Variants in STK32B observed in about 807,000 individuals in gnomAD.
The protein encoded by STK32B is serine/threonine-protein kinase 32B.
STK32B carries 43 observed loss-of-function variants against 52.6 expected under a neutral mutation model. That is an observed-to-expected ratio of 0.82 (90% CI 0.64 to 1.05). STK32B has a LOEUF of 1.05. Among genes scored for constraint, STK32B ranks in the 50% least tolerant of loss-of-function variants. The pLI is 0.00. For synonymous variants in STK32B, 238 were observed against 204.3 expected (o/e 1.17, Z -1.41); for missense variants, 621 against 534.6 (o/e 1.16, Z -1.59).
intron 3 of STK32B, among the ~76,000 whole-genome samples, chr4:5,261,508 C>T (rs2108845145): frequency 6.6e-6 from 1 of 152,258 alleles, no homozygotes; most frequent in Non-Finnish European, 1.5e-5. Context: ...TGTCACACAT[C>T]AGACTCTTTA....
At chr4:5,311,902 T>C (rs867356161) in intron 3 of STK32B, among the ~76,000 whole-genome samples, 3 of 137,596 alleles carry the variant, frequency 2.2e-5, no homozygotes, top group Non-Finnish European at 4.5e-5. Flanking sequence ...GTGCATACTT[T>C]TATATATATA....
chr4:5,423,676 C>T (rs1324149771), intron 6 of STK32B, among the ~76,000 whole-genome samples: 1 of 152,170 alleles, frequency 6.6e-6, no homozygotes, highest in Non-Finnish European at 1.5e-5. Context: ...ACTGCAGGGG[C>T]TGGGTTGGCC....
intron 1 of STK32B, among the ~76,000 whole-genome samples, chr4:5,125,930 G>A (rs7677852): frequency 0.018 from 2,750 of 152,146 alleles, 47 homozygotes; most frequent in African/African-American, 0.04. Context: ...CAGATCTACC[G>A]GAGGCCCTTG....
rs7662444 is a variant in STK32B, at chr4:5,484,949, T to A, written c.1107-13996T>A. ...TCTTTTGGCTTGTAGAGTTTCTGCC[T>A]AGCGATCAGCTGTTAGTCTGATGGG... On this transcript the variant is annotated intron_variant, in intron 11 of 11. Coordinates refer to ENST00000282908, the MANE Select transcript of STK32B (RefSeq NM_018401.3). Among the ~76,000 whole-genome samples the A allele has an allele frequency of 3.3e-3, 496 of 152,304 alleles. 6 individuals are homozygous for A. The highest frequency in any genetic ancestry group is 0.011 in the African/African-American group (468 of 41,550).
intron 3 of STK32B, among the ~76,000 whole-genome samples, chr4:5,269,719 T>C (rs1727295555): frequency 6.6e-6 from 1 of 152,142 alleles, no homozygotes; most frequent in South Asian, 2.1e-4. Flanking sequence ...GCATATTACA[T>C]ATTATAGAAA....
At chr4:5,209,278 G>A (rs1040210573) in intron 3 of STK32B, among the ~76,000 whole-genome samples, 3 of 152,178 alleles carry the variant, frequency 2.0e-5, no homozygotes, top group Non-Finnish European at 4.4e-5. Flanking sequence ...CTGGAGTGCA[G>A]TGTCACAATC....
intron 5 of STK32B, among the ~76,000 whole-genome samples, chr4:5,407,404 C>G (rs184021486): frequency 6.6e-6 from 1 of 152,240 alleles, no homozygotes; most frequent in East Asian, 1.9e-4. Context: ...GTTCCAAAGT[C>G]GCTTACATAT....
intron 11 of STK32B, among the ~76,000 whole-genome samples, chr4:5,494,773 G>A (rs1720070157): frequency 6.6e-6 from 1 of 152,142 alleles, no homozygotes; most frequent in Non-Finnish European, 1.5e-5. Flanking sequence ...CAGGCCTGAT[G>A]GTGACAAAAT....
At chr4:5,190,537 ATGTAC>A (rs1721102906) in intron 3 of STK32B, among the ~76,000 whole-genome samples, 1 of 152,152 alleles carries the variant, frequency 6.6e-6, no homozygotes, top group Non-Finnish European at 1.5e-5. Flanking sequence ...AGCACCTACT[ATGTAC>A]TGGGCACTGT....
rs558139070 is a variant in STK32B at position 5,492,758 on chromosome 4, C to A, written c.1107-6187C>A. On this transcript the variant is annotated intron_variant, in intron 11 of 11. Coordinates refer to ENST00000282908, the MANE Select transcript of STK32B (RefSeq NM_018401.3). ...ATTTTGAGATACGTCCCATCAATAC[C>A]AAATTTCTTGAGAGTTTTTAGCATG... Among the ~76,000 whole-genome samples, 763 of 151,490 alleles carry A rather than the reference C, an allele frequency of 5.0e-3. 5 individuals carry two copies. The highest frequency in any genetic ancestry group is 8.8e-3 in the Non-Finnish European group (597 of 68,028).
At chr4:5,173,467 T>A (rs1205912978) in intron 3 of STK32B, among the ~76,000 whole-genome samples, 1 of 152,122 alleles carries the variant, frequency 6.6e-6, no homozygotes, top group African/African-American at 2.4e-5. Flanking sequence ...CTCTACACAC[T>A]GCTTTGAATG....
chr4:5,209,873 C>T (rs566753202), intron 3 of STK32B, among the ~76,000 whole-genome samples: 75 of 152,260 alleles, frequency 4.9e-4, no homozygotes, highest in Admixed American at 1.2e-3. Context: ...CAGGATATGG[C>T]CCCCCAACTG....
intron 4 of STK32B, among the ~76,000 whole-genome samples, chr4:5,374,131 C>A (rs1326206597): frequency 2.0e-5 from 3 of 152,146 alleles, no homozygotes; most frequent in Non-Finnish European, 4.4e-5. Context: ...CAAGGAATGC[C>A]AGGAACCACC....
At chr4:5,369,980 A>G (rs1735123168) in intron 4 of STK32B, among the ~76,000 whole-genome samples, 1 of 151,656 alleles carries the variant, frequency 6.6e-6, no homozygotes, top group South Asian at 2.1e-4. Context: ...GGTTCATGCC[A>G]TTCTCCTGCC....
rs1375806376 is a variant in STK32B, at chr4:5,085,850, C to G, written c.52+33935C>G. Among the ~76,000 whole-genome samples the G allele has an allele frequency of 2.6e-5, 4 of 152,184 alleles. No homozygotes were observed. The South Asian group carries it at 6.2e-4, about 24-fold the overall frequency. On this transcript the variant is annotated intron_variant, in intron 1 of 11. Transcript: ENST00000282908. The stretch of plus-strand genomic sequence containing the variant: ...ATCTCAGCGATAGCCTTGAAAATAA[C>G]AACCCATGTGCCTTGTACCAGAGAG...
chr4:5,482,102 T>C (rs909252689), intron 11 of STK32B, among the ~76,000 whole-genome samples: 1 of 152,160 alleles, frequency 6.6e-6, no homozygotes, highest in Non-Finnish European at 1.5e-5. Flanking sequence ...TTTAAAGTAG[T>C]TTTTTCCAAT....
intron 3 of STK32B, among the ~76,000 whole-genome samples, chr4:5,187,506 T>C (rs191682204): frequency 6.3e-4 from 96 of 151,316 alleles, no homozygotes; most frequent in African/African-American, 1.9e-3. Flanking sequence ...TTGTGCAAAA[T>C]ATATAGCCAA....
chr4:5,217,238 G>C (rs775288631), intron 3 of STK32B, among the ~76,000 whole-genome samples: 2 of 152,184 alleles, frequency 1.3e-5, no homozygotes, highest in Non-Finnish European at 2.9e-5. Context: ...TTCAGGCTTA[G>C]AGGCAGGATT....
chr4:5,214,509 T>C (rs926594047), intron 3 of STK32B, among the ~76,000 whole-genome samples: 20 of 152,228 alleles, frequency 1.3e-4, no homozygotes, highest in Non-Finnish European at 2.6e-4. Context: ...TAGACATTCA[T>C]GGTCCCCAGG....
Sources: allele counts gnomAD v4.1 joint callset (sites outside exome capture counted in the v4.1 genomes callset), GRCh38; gene constraint gnomAD v4.1.1; transcripts MANE v1.5; gene names NCBI Gene and HGNC (gene_info 2026-07-23, HGNC 2026-07-21).